Variants in BICD1 observed in about 807,000 individuals in gnomAD.
BICD1 encodes the protein protein bicaudal D homolog 1.
In BICD1, 35 loss-of-function variants were observed where a neutral mutation model predicts 92.5. That is an observed-to-expected ratio of 0.38 (90% CI 0.29 to 0.50). BICD1 has a LOEUF of 0.50. Among genes scored for constraint, BICD1 ranks in the 20% least tolerant of loss-of-function variants. BICD1 has a pLI of 0.93. For synonymous variants in BICD1, 429 were observed against 465.1 expected, an observed-to-expected ratio of 0.92 and a Z score of 1.00; for missense variants, 950 against 1,189.8, an observed-to-expected ratio of 0.80 and a Z score of 2.97.
At chr12:32,275,143 T>G (rs1778137898) in intron 2 of BICD1, among the ~76,000 whole-genome samples, 1 of 152,190 alleles carries the variant, frequency 6.6e-6, no homozygotes, top group Non-Finnish European at 1.5e-5. Flanking sequence ...GGGATTAACT[T>G]TTAATCCCTT....
At chr12:32,250,238 C>A (rs10128975) in intron 2 of BICD1, among the ~76,000 whole-genome samples, 4,249 of 152,188 alleles carry the variant, frequency 0.028, 174 homozygotes, top group African/African-American at 0.087. Context: ...CAGTCTGGGT[C>A]TCCTCATGTA....
At chr12:32,116,462 G>GTCTCTCTCTC (rs1173406919) in intron 1 of BICD1, among the ~76,000 whole-genome samples, 1 of 91,652 alleles carries the variant, frequency 1.1e-5, no homozygotes, top group African/African-American at 4.8e-5. Context: ...CTGTCTGTCT[G>GTCTCTCTCTC]TCTCTCTCTC....
At chr12:32,368,569 C>T (rs1457716116) in intron 9 of BICD1, among the ~76,000 whole-genome samples, 2 of 151,336 alleles carry the variant, frequency 1.3e-5, no homozygotes, top group East Asian at 3.9e-4. Context: ...GTGGCACATG[C>T]CTCTAATCCC....
intron 1 of BICD1, among the ~76,000 whole-genome samples, chr12:32,116,510 C>CTCTCTCTCTATATA (rs1233964108): frequency 3.8e-5 from 4 of 104,374 alleles, no homozygotes; most frequent in Non-Finnish European, 7.6e-5. Context: ...CTCTCTCTCT[C>CTCTCTCTCTATATA]TATATATATA....
At chr12:32,216,131 T>C in intron 1 of BICD1, 116 bp from the exon 2 acceptor site, 3 of 915,836 alleles carry the variant, frequency 3.3e-6, no homozygotes, top group Non-Finnish European at 3.3e-6. Context: ...ATTTCGGGGG[T>C]CTTGCAGGGT....
intron 8 of BICD1, among the ~76,000 whole-genome samples, chr12:32,341,556 A>G (rs1048003130): frequency 6.6e-6 from 1 of 152,190 alleles, no homozygotes; most frequent in Non-Finnish European, 1.5e-5. Flanking sequence ...TAACATATTG[A>G]TAACCTTTAT....
rs1410582743 is a variant in BICD1, at chr12:32,228,433, T to G, written c.426+11974T>G. 4.6e-5 allele frequency among the ~76,000 whole-genome samples: 7 copies of G among 152,218 alleles called. No homozygotes were observed. In the East Asian group the frequency reaches 1.2e-3, roughly 25 times the overall value. Reference sequence around the variant, plus strand: ...ACACACTGTCATGAAGTCAGAGAGGTAACAGGAAGCCAGATCATGTAGGGC... The same window carrying G: ...ACACACTGTCATGAAGTCAGAGAGGGAACAGGAAGCCAGATCATGTAGGGC... On this transcript the variant is annotated intron_variant, in intron 2 of 9. Coordinates refer to ENST00000652176, the MANE Select transcript of BICD1 (RefSeq NM_001714.4).
chr12:32,142,189 A>T (rs2608404), intron 1 of BICD1, among the ~76,000 whole-genome samples: 44,360 of 151,464 alleles, frequency 0.29, 6,828 homozygotes, highest in African/African-American at 0.38. Flanking sequence ...GCGGGTCACT[A>T]GAGGTCAGGA....
At chr12:32,167,236 A>C (rs1345287919) in intron 1 of BICD1, among the ~76,000 whole-genome samples, 1 of 152,224 alleles carries the variant, frequency 6.6e-6, no homozygotes, top group African/African-American at 2.4e-5. Flanking sequence ...GAGTGTGTGG[A>C]ATGCTGTGGC....
chr12:32,164,912 GACA>G (rs1943709404), intron 1 of BICD1, among the ~76,000 whole-genome samples: 1 of 152,160 alleles, frequency 6.6e-6, no homozygotes, highest in African/African-American at 2.4e-5. Context: ...TGAGCTCCCT[GACA>G]ACTGCGCATC....
At chr12:32,216,144 C>A (rs558021149) in intron 1 of BICD1, 103 bp from the exon 2 acceptor site, 21 of 1,191,444 alleles carry the variant, frequency 1.8e-5, no homozygotes, top group Non-Finnish European at 2.3e-5. Context: ...TGCAGGGTAG[C>A]TTTTCTTACA....
intron 1 of BICD1, among the ~76,000 whole-genome samples, chr12:32,145,135 T>C (rs1176187311): frequency 2.0e-5 from 3 of 152,234 alleles, no homozygotes; most frequent in Non-Finnish European, 2.9e-5. Flanking sequence ...TGTATTAGAC[T>C]TCTACATGTT....
intron 1 of BICD1, among the ~76,000 whole-genome samples, chr12:32,113,979 C>G (rs1346270390): frequency 1.3e-5 from 2 of 152,032 alleles, no homozygotes; most frequent in African/African-American, 4.8e-5. Context: ...TCAAGTGATT[C>G]TCCTGCGTCA....
chr12:32,246,471 C>G (rs1352212519), intron 2 of BICD1, among the ~76,000 whole-genome samples: 1 of 151,944 alleles, frequency 6.6e-6, no homozygotes, highest in African/African-American at 2.4e-5. Context: ...GACTCCATCT[C>G]TATAAAAATT....
At chr12:32,151,410 A>G (rs1347836908) in intron 1 of BICD1, among the ~76,000 whole-genome samples, 4 of 152,180 alleles carry the variant, frequency 2.6e-5, no homozygotes, top group Non-Finnish European at 4.4e-5. Context: ...TGCATGCAAT[A>G]TGATCACTGG....
At chr12:32,374,327 AAAG>A (rs1368738469) in intron 9 of BICD1, among the ~76,000 whole-genome samples, 1 of 152,024 alleles carries the variant, frequency 6.6e-6, no homozygotes, top group Admixed American at 6.5e-5. Flanking sequence ...AGTTCCCTAA[AAAG>A]AAATTAGTTC....
chr12:32,178,533 G>A (rs949775545), intron 1 of BICD1, among the ~76,000 whole-genome samples: 3 of 152,006 alleles, frequency 2.0e-5, no homozygotes, highest in African/African-American at 7.2e-5. Context: ...AGATAGGGCA[G>A]GAATGGGATG....
rs541829571 is a variant in BICD1 at position 32,167,887 on chromosome 12, C to T, written c.214-48360C>T. ...GGCTTCCTTGTACCAAATCTCAGCC[C>T]TACCGCTAACTAGCTTTTTGACTTC... On this transcript the variant is annotated intron_variant, in intron 1 of 9. Transcript: ENST00000652176. 1.1e-4 allele frequency among the ~76,000 whole-genome samples: 17 copies of T among 151,898 alleles called. No individual in the cohort carries two copies. The South Asian group carries it at 3.5e-3, about 32-fold the overall frequency.
At chr12:32,174,125 T>C (rs184130806) in intron 1 of BICD1, among the ~76,000 whole-genome samples, 348 of 152,288 alleles carry the variant, frequency 2.3e-3, no homozygotes, top group African/African-American at 8.2e-3. Context: ...ATTATCACTT[T>C]GTCTTGAAAA....
Sources: allele counts gnomAD v4.1 joint callset (sites outside exome capture counted in the v4.1 genomes callset), GRCh38; gene constraint gnomAD v4.1.1; transcripts MANE v1.5; gene names NCBI Gene and HGNC (gene_info 2026-07-23, HGNC 2026-07-21).